Variants in USP12 observed in about 807,000 individuals in gnomAD.
USP12 encodes ubiquitin carboxyl-terminal hydrolase 12.
Under a neutral mutation model 45.5 loss-of-function variants are expected in USP12, and 19 were observed. That is an observed-to-expected ratio of 0.42 (90% confidence interval 0.29 to 0.61). The LOEUF is 0.61. Ranked by LOEUF, USP12 falls within the 20% of genes least tolerant of loss-of-function variation. The pLI is 0.22. For synonymous variants in USP12, 149 were observed against 148.8 expected (o/e 1.00, Z -0.01); for missense variants, 242 against 447.7 (o/e 0.54, Z 4.15).
rs558320772 is a variant in USP12, at chr13:27,141,607, G to A, written c.49-25011C>T. The stretch of plus-strand genomic sequence containing the variant: ...CTATTGGTCCCATCAGGAACAATTT[G>A]GGTATCAAAATCAATAATAATAATG... On this transcript the variant is annotated intron_variant, in intron 1 of 8. Coordinates refer to ENST00000282344, the MANE Select transcript of USP12 (RefSeq NM_182488.4). Among the ~76,000 whole-genome samples the A allele has an allele frequency of 5.3e-5, 8 of 152,210 alleles. No homozygotes were observed. In the South Asian group the frequency reaches 1.7e-3, roughly 32 times the overall value.
chr13:27,116,685 G>A, intron 1 of USP12, 89 bp from the exon 2 acceptor site: 1 of 1,231,106 alleles, frequency 8.1e-7, no homozygotes, highest in Non-Finnish European at 1.1e-6. Context: ...GCAACATGAT[G>A]GTCCTATCAC....
chr13:27,126,910 A>G (rs1876264442), intron 1 of USP12, among the ~76,000 whole-genome samples: 1 of 152,242 alleles, frequency 6.6e-6, no homozygotes, highest in South Asian at 2.1e-4. Flanking sequence ...ACAGGCACAA[A>G]GCAAACTTCC....
In USP12 at chr13:27,068,301, AAAAT is replaced by A. The variant is rs1265247164; in HGVS notation, c.*978_*981del. 6.6e-6 allele frequency: 1 copy of A among 151,834 alleles called. No homozygotes were observed. Among genetic ancestry groups the A allele is most frequent in the African/African-American group, 2.5e-5 (1 of 40,698 alleles). 9.4% of individuals were successfully genotyped at this position (151,834 alleles called of 1,614,324 possible). On this transcript the variant is annotated 3_prime_UTR_variant, in exon 9 of 9. Coordinates refer to ENST00000282344, the MANE Select transcript of USP12 (RefSeq NM_182488.4). ...TATTCCAACAACTACAGGAATTTTT[AAAAT>A]AGTTTTTTAATTTTATGAAATTAAA...
At chr13:27,165,698 A>C (rs913503914) in intron 1 of USP12, among the ~76,000 whole-genome samples, 5 of 152,220 alleles carry the variant, frequency 3.3e-5, no homozygotes, top group African/African-American at 7.2e-5. Flanking sequence ...GCAAAGAAAA[A>C]AGTGTCAAAA....
intron 1 of USP12, among the ~76,000 whole-genome samples, chr13:27,121,558 A>G (rs1367920224): frequency 6.6e-6 from 1 of 152,208 alleles, no homozygotes; most frequent in Admixed American, 6.5e-5. Flanking sequence ...CAGACAGCAG[A>G]ATGAAACTCA....
At chr13:27,076,029 C>CAA (rs11458818) in intron 6 of USP12, among the ~76,000 whole-genome samples, 1,200 of 97,920 alleles carry the variant, frequency 0.012, 20 homozygotes, top group Middle Eastern at 0.052. Flanking sequence ...GGCTCCGTCT[C>CAA]AAAAAAAAAA....
chr13:27,114,615 A>T (rs1026352129), intron 2 of USP12, among the ~76,000 whole-genome samples: 1 of 152,218 alleles, frequency 6.6e-6, no homozygotes, highest in South Asian at 2.1e-4. Flanking sequence ...GTAAGCTGCC[A>T]TAAGAGCCAT....
intron 1 of USP12, among the ~76,000 whole-genome samples, chr13:27,149,930 C>A (rs1345727754): frequency 2.0e-5 from 3 of 152,202 alleles, no homozygotes; most frequent in African/African-American, 7.2e-5. Context: ...AGGTGAAGCT[C>A]AGGCAGTAAT....
chr13:27,104,668 G>C (rs1875043191), intron 3 of USP12, among the ~76,000 whole-genome samples: 1 of 152,126 alleles, frequency 6.6e-6, no homozygotes, highest in Non-Finnish European at 1.5e-5. Flanking sequence ...TCAAATTCAA[G>C]AATAATAGCC....
At chr13:27,142,321 A>G (rs537753692) in intron 1 of USP12, among the ~76,000 whole-genome samples, 2 of 152,352 alleles carry the variant, frequency 1.3e-5, no homozygotes, top group South Asian at 2.1e-4. Context: ...ATAAAGACGA[A>G]AAAAGGCGGA....
chr13:27,157,657 T>G (rs9512560), intron 1 of USP12, among the ~76,000 whole-genome samples: 82,437 of 151,860 alleles, frequency 0.54, 23,254 homozygotes, highest in East Asian at 0.83. Flanking sequence ...TCACTTAACC[T>G]TATTTCTCTC....
At chr13:27,093,403 A>G (rs1408953846) in intron 4 of USP12, among the ~76,000 whole-genome samples, 1 of 152,222 alleles carries the variant, frequency 6.6e-6, no homozygotes, top group Non-Finnish European at 1.5e-5. Flanking sequence ...CTAAAGAGAT[A>G]TAGATGATAA....
At chr13:27,123,423 G>C (rs1333540375) in intron 1 of USP12, among the ~76,000 whole-genome samples, 1 of 152,132 alleles carries the variant, frequency 6.6e-6, no homozygotes, top group Admixed American at 6.5e-5. Flanking sequence ...CATTAACAAA[G>C]TCCTGAATGA....
intron 1 of USP12, among the ~76,000 whole-genome samples, chr13:27,161,727 GA>G (rs1373680006): frequency 6.6e-6 from 1 of 151,450 alleles, no homozygotes; most frequent in African/African-American, 2.4e-5. Context: ...TAATTAAAAA[GA>G]AAAAATAGCT....
intron 1 of USP12, among the ~76,000 whole-genome samples, chr13:27,171,169 C>G (rs968502658): frequency 6.6e-6 from 1 of 151,318 alleles, no homozygotes; most frequent in South Asian, 2.1e-4. Flanking sequence ...GCCCCCTCCC[C>G]GACGACCCCG....
chr13:27,142,963 C>G (rs903121195), intron 1 of USP12, among the ~76,000 whole-genome samples: 1 of 151,676 alleles, frequency 6.6e-6, no homozygotes, highest in Non-Finnish European at 1.5e-5. Context: ...CGTGGTGCCA[C>G]ACGCCTGTAG....
rs1264524145 is a variant in USP12 at position 27,129,636 on chromosome 13, T to C, written c.49-13040A>G. 1.3e-5 allele frequency among the ~76,000 whole-genome samples: 2 copies of C among 151,938 alleles called. No homozygotes were observed. Among genetic ancestry groups the C allele is most frequent in the Non-Finnish European group, 1.5e-5 (1 of 67,974 alleles). On this transcript the variant is annotated intron_variant, in intron 1 of 8. Transcript: ENST00000282344. This position sits in a 1 kb window ranked among gnomAD's most constrained non-coding sequence, Gnocchi z 4.0. ...GCAGGAGGATCATTAAGCCCAGGAG[T>C]TCGAGGCTGCAGTGAACTATGACCT...
intron 1 of USP12, among the ~76,000 whole-genome samples, chr13:27,156,754 G>A (rs1196840817): frequency 6.6e-6 from 1 of 152,150 alleles, no homozygotes; most frequent in East Asian, 1.9e-4. Context: ...CCTGGGAGGT[G>A]GAGGTTGCAG....
chr13:27,127,121 A>C (rs1876276097), intron 1 of USP12, among the ~76,000 whole-genome samples: 1 of 152,246 alleles, frequency 6.6e-6, no homozygotes, highest in Non-Finnish European at 1.5e-5. Flanking sequence ...TAAAACAAAA[A>C]ACAAGCTTTT....
Sources: gnomAD v4.1 joint callset for allele counts (sites outside exome capture counted in the v4.1 genomes callset) on GRCh38, gnomAD v4.1.1 for gene constraint, Gnocchi (gnomAD v3.1) non-coding constraint, MANE v1.5 for transcripts, NCBI Gene and HGNC (gene_info 2026-07-23, HGNC 2026-07-21) for gene names.